NREP: variants seen among roughly 807,000 people sequenced by gnomAD.
The protein encoded by NREP is neuronal regeneration related protein.
NREP carries 5 observed loss-of-function variants against 8.6 expected under a neutral mutation model. The ratio of observed to expected loss-of-function variants is 0.58; its 90% CI spans 0.30 to 1.22. The LOEUF (loss-of-function observed/expected upper bound fraction) is 1.22. NREP is among the 50% of genes most tolerant of loss of function. The pLI, the probability that NREP is intolerant of heterozygous loss-of-function variation, is 0.07. For missense variants in NREP, 86 were observed against 82.5 expected (o/e 1.04, Z -0.17); for synonymous variants, 27 against 28.0 (o/e 0.96, Z 0.11).
intron 2 of NREP, among the ~76,000 whole-genome samples, chr5:111,796,661 G>A (rs1021014144): frequency 2.1e-5 from 3 of 146,314 alleles, no homozygotes; most frequent in Non-Finnish European, 3.1e-5. Context: ...GTCTAGCTCA[G>A]TGAATATTTG....
At chr5:111,728,920 G>GAAAGAATACCACAGAGTGGGTCTT (rs563893852), downstream of NREP, 1 of 81,636 alleles carries the variant, frequency 1.2e-5, no homozygotes, top group Non-Finnish European at 2.2e-5. Context: ...CAGGGAAAAA[G>GAAAGAATACCACAGAGTGGGTCTT]AAAGAATACC....
chr5:111,881,024 A>G (rs1038014398), intron 2 of NREP, among the ~76,000 whole-genome samples: 2 of 152,364 alleles, frequency 1.3e-5, no homozygotes, highest in East Asian at 1.9e-4. Flanking sequence ...AGGGCGAGGC[A>G]TTGCCTCACT....
At chr5:111,749,551 T>A (rs937925128) in intron 2 of NREP, among the ~76,000 whole-genome samples, 3 of 152,224 alleles carry the variant, frequency 2.0e-5, no homozygotes, top group African/African-American at 7.2e-5. Flanking sequence ...GGCCTCAAAT[T>A]GTAAACAATT....
At chr5:111,789,125 G>A (rs139280348) in intron 2 of NREP, among the ~76,000 whole-genome samples, 5 of 152,184 alleles carry the variant, frequency 3.3e-5, no homozygotes, top group Non-Finnish European at 5.9e-5. Context: ...ATATAAATAC[G>A]TATATACACA....
At chr5:111,857,081 G>C (rs774870292) in intron 2 of NREP, among the ~76,000 whole-genome samples, 1 of 152,182 alleles carries the variant, frequency 6.6e-6, no homozygotes, top group African/African-American at 2.4e-5. Context: ...AAACACAGCT[G>C]TAATAGGAAA....
intron 2 of NREP, among the ~76,000 whole-genome samples, chr5:111,875,297 TA>T (rs769425341): frequency 3.1e-4 from 47 of 151,862 alleles, no homozygotes; most frequent in Non-Finnish European, 5.3e-4. Flanking sequence ...CTGAGGCAAA[TA>T]GAAAAAGAAA....
At chr5:111,826,189 G>A (rs574360140) in intron 2 of NREP, among the ~76,000 whole-genome samples, 1 of 152,216 alleles carries the variant, frequency 6.6e-6, no homozygotes, top group African/African-American at 2.4e-5. Context: ...TCTAGCTAAA[G>A]GTTCGTAAAC....
chr5:111,881,154 A>G (rs1044527969), intron 2 of NREP, among the ~76,000 whole-genome samples: 2 of 152,154 alleles, frequency 1.3e-5, no homozygotes, highest in Admixed American at 1.3e-4. Flanking sequence ...GGCTTAAAAA[A>G]CGGCGCACCA....
intron 2 of NREP, among the ~76,000 whole-genome samples, chr5:111,839,778 T>C (rs576847322): frequency 2.0e-4 from 30 of 152,250 alleles, no homozygotes; most frequent in African/African-American, 7.0e-4. Flanking sequence ...ATTTTAGTGT[T>C]GGATAAATTA....
At position 111,952,194 on chromosome 5, in the gene NREP, C is replaced by G. The variant is rs568387769; in HGVS notation, c.135+23080G>C. ...GAAAAGAAATGAGAGGAAAGAAGCCCTGTCTTTTTCAACATGGGACACCTG... is the reference window on the plus strand; with the variant it reads ...GAAAAGAAATGAGAGGAAAGAAGCCGTGTCTTTTTCAACATGGGACACCTG... On this transcript the variant is annotated intron_variant, in intron 2 of 3. Coordinates refer to the NREP transcript ENST00000395634. Among the ~76,000 whole-genome samples, 7 of 152,222 alleles carry G rather than the reference C, an allele frequency of 4.6e-5. No individual in the cohort carries two copies. In the South Asian group the frequency reaches 1.5e-3, roughly 32 times the overall value.
chr5:111,769,220 T>G (rs1287769344), intron 2 of NREP, among the ~76,000 whole-genome samples: 6 of 152,210 alleles, frequency 3.9e-5, no homozygotes, highest in Non-Finnish European at 5.9e-5. Context: ...TCCTTCATCT[T>G]CAATAAATAT....
chr5:111,949,003 C>A (rs1234067842), intron 2 of NREP: 1 of 151,954 alleles, frequency 6.6e-6, no homozygotes, highest in African/African-American at 2.4e-5. Context: ...AACCATGGAA[C>A]CTGAGCAAGA....
At chr5:111,825,245 T>C (rs1434628361) in intron 2 of NREP, among the ~76,000 whole-genome samples, 4 of 152,160 alleles carry the variant, frequency 2.6e-5, no homozygotes, top group Non-Finnish European at 5.9e-5. Flanking sequence ...CTCTTCTTTA[T>C]ATTTTCAGAA....
chr5:111,746,784 G>C (rs778414006), intron 2 of NREP, among the ~76,000 whole-genome samples: 2 of 152,098 alleles, frequency 1.3e-5, no homozygotes, highest in Non-Finnish European at 2.9e-5. Flanking sequence ...GTCTACTCAG[G>C]AAAGGGGTGG....
intron 2 of NREP, among the ~76,000 whole-genome samples, chr5:111,746,119 G>A (rs1279761926): frequency 2.0e-5 from 3 of 152,060 alleles, no homozygotes; most frequent in Non-Finnish European, 2.9e-5. Flanking sequence ...ATTATCAGAT[G>A]AATTGTTTCT....
chr5:111,965,473 T>A (rs1756617562), intron 2 of NREP, among the ~76,000 whole-genome samples: 1 of 152,126 alleles, frequency 6.6e-6, no homozygotes, highest in African/African-American at 2.4e-5. Flanking sequence ...ATGAAATATC[T>A]AACATATGCA....
At chr5:111,757,383 GCTCT>G, upstream of NREP, 1 of 955,428 alleles carries the variant, frequency 1.0e-6, no homozygotes, top group Non-Finnish European at 1.2e-6. Context: ...CCTGCCTCGC[GCTCT>G]CTCTCCAAGA....
At chr5:111,932,185 A>C (rs1353602846) in intron 2 of NREP, among the ~76,000 whole-genome samples, 1 of 151,882 alleles carries the variant, frequency 6.6e-6, no homozygotes, top group East Asian at 1.9e-4. Flanking sequence ...AGAATTTCTC[A>C]AAGGCAGGGT....
Position 111,916,925 on chromosome 5 carries a change from G to A in NREP, c.135+58349C>T, listed in dbSNP as rs188463930. ...AGACAGAGGCAAATTTCAGAGCAGG[G>A]ATGGAAGTTAATTAAAATGCTTTAG... On this transcript the variant is annotated intron_variant, in intron 2 of 3. Coordinates refer to the NREP transcript ENST00000395634. Among the ~76,000 whole-genome samples, 265 of 152,248 alleles carry A rather than the reference G, an allele frequency of 1.7e-3. 3 individuals carry two copies. Among genetic ancestry groups the A allele is most frequent in the African/African-American group, 6.1e-3 (255 of 41,554 alleles).
Sources: allele counts gnomAD v4.1 joint callset (sites outside exome capture counted in the v4.1 genomes callset), GRCh38; gene constraint gnomAD v4.1.1; transcripts MANE v1.5; gene names NCBI Gene and HGNC (gene_info 2026-07-23, HGNC 2026-07-21).